The following TNFRSF11A variants were observed in gnomAD, a reference collection of about 807,000 sequenced individuals.
TNFRSF11A encodes tumor necrosis factor receptor superfamily member 11A.
In TNFRSF11A, 32 loss-of-function variants were observed where a neutral mutation model predicts 55.7. That is an observed-to-expected ratio of 0.57 (90% confidence interval 0.43 to 0.77). The LOEUF is 0.77. Among genes scored for constraint, TNFRSF11A ranks in the 30% least tolerant of loss-of-function variants. The probability of loss-of-function intolerance (pLI) is 0.00; values close to 1 mark genes in which losing one functional copy is unlikely to be tolerated. For synonymous variants in TNFRSF11A, 311 were observed against 331.0 expected, an observed-to-expected ratio of 0.94 and a Z score of 0.65; for missense variants, 753 against 809.8, an observed-to-expected ratio of 0.93 and a Z score of 0.85.
chr18:62,374,420 C>T (rs1487199285), intron 9 of TNFRSF11A, among the ~76,000 whole-genome samples: 1 of 152,138 alleles, frequency 6.6e-6, no homozygotes, highest in Non-Finnish European at 1.5e-5. Flanking sequence ...ACATGAGAAG[C>T]ATATGGGTTA....
intron 1 of TNFRSF11A, among the ~76,000 whole-genome samples, chr18:62,330,008 C>T (rs1326926573): frequency 6.6e-6 from 1 of 152,186 alleles, no homozygotes; most frequent in Non-Finnish European, 1.5e-5. Flanking sequence ...CCTTTGAGTG[C>T]TTTGGGTCAC....
At chr18:62,363,560 G>A (rs1333104406) in intron 7 of TNFRSF11A, among the ~76,000 whole-genome samples, 1 of 151,726 alleles carries the variant, frequency 6.6e-6, no homozygotes, top group African/African-American at 2.4e-5. Flanking sequence ...GTAGAGATGG[G>A]GTTTCACCAC....
intron 1 of TNFRSF11A, among the ~76,000 whole-genome samples, chr18:62,339,928 G>T (rs1424424200): frequency 1.3e-5 from 2 of 152,082 alleles, no homozygotes; most frequent in African/African-American, 2.4e-5. Context: ...AGTAGAAGCT[G>T]ACCAGCTGTG....
chr18:62,345,683 G>A (rs1180744155), intron 1 of TNFRSF11A, among the ~76,000 whole-genome samples: 2 of 152,000 alleles, frequency 1.3e-5, no homozygotes, highest in African/African-American at 4.8e-5. Context: ...CCACTGAACG[G>A]TAGGTATACT....
chr18:62,337,846 G>A (rs189362525), intron 1 of TNFRSF11A, among the ~76,000 whole-genome samples: 54 of 152,268 alleles, frequency 3.5e-4, no homozygotes, highest in Non-Finnish European at 6.3e-4. Context: ...TGTCCCTGGC[G>A]CATAGTATGT....
intron 9 of TNFRSF11A, among the ~76,000 whole-genome samples, chr18:62,370,071 C>T (rs760758434): frequency 3.3e-5 from 5 of 152,096 alleles, no homozygotes; most frequent in Non-Finnish European, 7.4e-5. Flanking sequence ...ATAACCACAA[C>T]GTATCATATA....
intron 7 of TNFRSF11A, among the ~76,000 whole-genome samples, chr18:62,364,756 C>T (rs1882872908): frequency 6.6e-6 from 1 of 152,108 alleles, no homozygotes; most frequent in South Asian, 2.1e-4. Flanking sequence ...TATGTGCTGA[C>T]ATGACTATAT....
At chr18:62,365,689 A>G (rs1014736310) in intron 7 of TNFRSF11A, among the ~76,000 whole-genome samples, 6 of 152,216 alleles carry the variant, frequency 3.9e-5, no homozygotes, top group East Asian at 1.9e-4. Context: ...ACAGCCCCCA[A>G]ATGTGCCCAG....
At chr18:62,364,482 T>C (rs1302279146) in intron 7 of TNFRSF11A, among the ~76,000 whole-genome samples, 1 of 152,068 alleles carries the variant, frequency 6.6e-6, no homozygotes, top group Non-Finnish European at 1.5e-5. Flanking sequence ...GCGCACCAGT[T>C]AGGAAGCTGT....
In TNFRSF11A at chr18:62,369,354, C is replaced by G; in HGVS notation, c.1437C>G (p.Pro479=). 6.2e-7 allele frequency: 1 copy of G among 1,610,250 alleles called. No homozygotes were observed. Among genetic ancestry groups the G allele is most frequent in the Non-Finnish European group, 8.5e-7 (1 of 1,178,738 alleles). The part of the protein sequence containing the change: ...LPQCAYGMGL[P]PEEEASRTEA... ...AGTGCGCCTATGGCATGGGCCTTCC[C>G]CCTGAAGAAGAAGCCAGCAGGACGG... Residue 479 remains proline (P), a synonymous_variant, in exon 9 of 10, where the codon CCC becomes CCG. Transcript: ENST00000586569.
chr18:62,355,542 G>T (rs144271536), intron 4 of TNFRSF11A, among the ~76,000 whole-genome samples: 129 of 152,302 alleles, frequency 8.5e-4, no homozygotes, highest in African/African-American at 3.0e-3. Context: ...CTCCCAAAGT[G>T]CTGGGCTGGG....
rs1911887736 is a variant in TNFRSF11A at position 62,388,892 on chromosome 18, CAACA to C, written c.*3866_*3869del. The C allele has an allele frequency of 1.3e-5, 2 of 152,318 alleles. No individual in the cohort carries two copies. The highest frequency in any genetic ancestry group is 4.8e-5 in the African/African-American group (2 of 41,572). 9.4% of individuals were successfully genotyped at this position (152,318 alleles called of 1,614,324 possible). A position where few individuals can be genotyped will look rare whatever the true frequency, so the allele number is the denominator to read the frequency against. On this transcript the variant is annotated 3_prime_UTR_variant, in exon 10 of 10. Transcript: ENST00000586569. ...CGAGTGTTCACCCTTCACCTCAGCT[CAACA>C]AACAAACTCTTGTTACGATTATACA...
At chr18:62,384,620 G>A (rs1420814692) in intron 9 of TNFRSF11A, 131 bp from the exon 10 acceptor site, 1 of 1,044,210 alleles carries the variant, frequency 9.6e-7, no homozygotes, top group African/African-American at 1.6e-5. Context: ...GGGTTACAGT[G>A]TGGTTCCCTG....
intron 1 of TNFRSF11A, among the ~76,000 whole-genome samples, chr18:62,327,294 G>C (rs1047441630): frequency 1.3e-5 from 2 of 152,044 alleles, no homozygotes; most frequent in African/African-American, 4.8e-5. Context: ...TCTTTCTTTG[G>C]GCAGAGTTCA....
chr18:62,366,832 C>A, intron 8 of TNFRSF11A, 72 bp downstream of exon 8: 5 of 1,425,916 alleles, frequency 3.5e-6, no homozygotes, highest in South Asian at 1.1e-5. Flanking sequence ...ATCCTAGTCA[C>A]ATATTGAGCA....
intron 1 of TNFRSF11A, among the ~76,000 whole-genome samples, chr18:62,342,948 T>G (rs1462291512): frequency 1.3e-5 from 2 of 152,234 alleles, no homozygotes; most frequent in African/African-American, 4.8e-5. Flanking sequence ...AGGGTAAGAT[T>G]GTCTTATTTA....
At chr18:62,363,418 G>A (rs1459977399) in intron 7 of TNFRSF11A, among the ~76,000 whole-genome samples, 1 of 145,958 alleles carries the variant, frequency 6.9e-6, no homozygotes, top group African/African-American at 2.5e-5. Context: ...GCCCAAGCTG[G>A]AGTGCAGTGG....
At chr18:62,342,146 A>C (rs1353668542) in intron 1 of TNFRSF11A, among the ~76,000 whole-genome samples, 1 of 151,888 alleles carries the variant, frequency 6.6e-6, no homozygotes, top group Non-Finnish European at 1.5e-5. Flanking sequence ...CACGCCTGTA[A>C]TCCCAGCACT....
At chr18:62,333,985 C>T (rs371746523) in intron 1 of TNFRSF11A, among the ~76,000 whole-genome samples, 2 of 152,196 alleles carry the variant, frequency 1.3e-5, no homozygotes, top group East Asian at 3.9e-4. Flanking sequence ...CCTGCCTCAG[C>T]CTCCCGAGTA....
Sources: allele counts gnomAD v4.1 joint callset (sites outside exome capture counted in the v4.1 genomes callset), GRCh38; gene constraint gnomAD v4.1.1; transcripts MANE v1.5; gene names NCBI Gene and HGNC (gene_info 2026-07-23, HGNC 2026-07-21).